Variants in PTGER4 observed in about 807,000 individuals in gnomAD.
The protein encoded by PTGER4 is prostaglandin E2 receptor EP4 subtype.
A neutral mutation model predicts 33.2 loss-of-function variants in PTGER4; 11 were observed. That is an observed-to-expected ratio of 0.33 (90% CI 0.21 to 0.55). The LOEUF is 0.55. Among genes scored for constraint, PTGER4 ranks in the 20% least tolerant of loss-of-function variants. The probability of loss-of-function intolerance (pLI) is 0.92; values close to 1 mark genes in which losing one functional copy is unlikely to be tolerated. For synonymous variants in PTGER4, 275 were observed against 281.5 expected (o/e 0.98, Z 0.23); for missense variants, 481 against 650.2 (o/e 0.74, Z 2.83).
chr5:40,738,119 T>A, the PTGER4 span, among the ~76,000 whole-genome samples: 3 of 152,104 alleles, frequency 2.0e-5, no homozygotes, highest in East Asian at 5.8e-4. Flanking sequence ...TATTTAACTT[T>A]ATGTGAAACA....
downstream of PTGER4, among the ~76,000 whole-genome samples, chr5:40,698,092 CAAAAAAAAAA>C (rs1156254550): frequency 2.0e-4 from 8 of 40,050 alleles, no homozygotes; most frequent in African/African-American, 4.3e-4. Flanking sequence ...CCTGTCTCTA[CAAAAAAAAAA>C]AAAAAAAAAA....
chr5:40,696,469 A>T (rs375559153), downstream of PTGER4, among the ~76,000 whole-genome samples: 7 of 152,342 alleles, frequency 4.6e-5, no homozygotes, highest in African/African-American at 1.7e-4. Flanking sequence ...CAAGACGCTT[A>T]CAACAAGAGA....
Position 40,693,011 on chromosome 5 carries a change from A to G in PTGER4, c.*633A>G. On this transcript the variant is annotated 3_prime_UTR_variant, in exon 3 of 3. Transcript: ENST00000302472. ...AATTCATAGTAAGATTGATATCTAT[A>G]AAATAGATATAAATTTTTAAGAGAA... 1 of 897,314 alleles carries G rather than the reference A, an allele frequency of 1.1e-6. No individual in the cohort carries two copies. The highest frequency in any genetic ancestry group is 1.3e-6 in the Non-Finnish European group (1 of 749,588). The allele number at this position is 897,314 out of a possible 1,614,324, so 55.6% of individuals were successfully genotyped here. A position where few individuals can be genotyped will look rare whatever the true frequency, so the allele number is the denominator to read the frequency against.
rs1579640038 is a variant in PTGER4, at chr5:40,680,816, T to C, written c.-43-135T>C. 5 of 791,898 alleles carry C rather than the reference T, an allele frequency of 6.3e-6. No homozygotes were observed. The highest frequency in any genetic ancestry group is 1.0e-5 in the Non-Finnish European group (5 of 501,750). 49.1% of individuals were successfully genotyped at this position (791,898 alleles called of 1,614,324 possible). ...GATTTTGGTGGCCGCAGTTGGTAAG[T>C]GGCTACAATCCAGAAAGTAGGATCG... On this transcript the variant is annotated intron_variant, in intron 1 of 2. Coordinates refer to ENST00000302472, the MANE Select transcript of PTGER4 (RefSeq NM_000958.3). This position sits in a 1 kb window ranked among gnomAD's most constrained non-coding sequence, Gnocchi z 5.5.
chr5:40,708,517 C>A, the PTGER4 span, among the ~76,000 whole-genome samples: 1,581 of 152,190 alleles, frequency 0.01, 21 homozygotes, highest in African/African-American at 0.033. Flanking sequence ...CAATAACAGG[C>A]TCTGAAATTG....
the PTGER4 span, among the ~76,000 whole-genome samples, chr5:40,717,362 C>G: frequency 6.6e-6 from 1 of 151,980 alleles, no homozygotes; most frequent in African/African-American, 2.4e-5. Flanking sequence ...AAGGTATCAG[C>G]TGGGAATTGG....
chr5:40,733,181 A>C, the PTGER4 span, among the ~76,000 whole-genome samples: 1 of 152,206 alleles, frequency 6.6e-6, no homozygotes, highest in Non-Finnish European at 1.5e-5. Flanking sequence ...AAACAAAAAC[A>C]TGAGAATTCT....
the PTGER4 span, among the ~76,000 whole-genome samples, chr5:40,713,297 G>T: frequency 6.6e-6 from 1 of 152,104 alleles, no homozygotes; most frequent in Non-Finnish European, 1.5e-5. Context: ...TTTTCTTAGT[G>T]CTGGGAAAGG....
Position 40,681,140 on chromosome 5 carries a change from G to A in PTGER4, c.147G>A (p.Gln49=), listed in dbSNP as rs747369863. The A allele has an allele frequency of 3.1e-6, 5 of 1,614,186 alleles. No individual in the cohort carries two copies. Among genetic ancestry groups the A allele is most frequent in the Non-Finnish European group, 4.2e-6 (5 of 1,180,046 alleles). Residue 49 remains glutamine (Q), a synonymous_variant, in exon 2 of 3, where the codon CAG becomes CAA. Coordinates refer to ENST00000302472, the MANE Select transcript of PTGER4 (RefSeq NM_000958.3). This position sits in a 1 kb window ranked among gnomAD's most constrained non-coding sequence, Gnocchi z 9.8. ...TGCTGTGCAAGTCGCGCAAGGAGCA[G>A]AAGGAGACGACCTTCTACACGCTGG... is the stretch of plus-strand genomic sequence containing the variant. ...IVVLCKSRKE[Q]KETTFYTLVC... is the part of the protein sequence containing the mutation.
At chr5:40,734,909 T>C in the PTGER4 span, among the ~76,000 whole-genome samples, 1 of 152,142 alleles carries the variant, frequency 6.6e-6, no homozygotes, top group Non-Finnish European at 1.5e-5. Flanking sequence ...AGGAATGTGA[T>C]AGGGAGTGAC....
At chr5:40,696,831 C>A (rs762742923), downstream of PTGER4, 1 of 585,998 alleles carries the variant, frequency 1.7e-6, no homozygotes, top group Non-Finnish European at 2.1e-6. Flanking sequence ...AAAAAGAATT[C>A]CAAGAACAAT....
the PTGER4 span, among the ~76,000 whole-genome samples, chr5:40,714,109 T>G: frequency 6.6e-6 from 1 of 152,224 alleles, no homozygotes; most frequent in East Asian, 1.9e-4. Context: ...CAGGGCCTAG[T>G]GGCCACATGC....
At chr5:40,728,340 C>T in the PTGER4 span, 1 of 1,519,750 alleles carries the variant, frequency 6.6e-7, no homozygotes, top group Non-Finnish European at 8.8e-7. Flanking sequence ...ATCTGACTTC[C>T]TCACCAGGAT....
chr5:40,746,465 C>G, the PTGER4 span, among the ~76,000 whole-genome samples: 1 of 152,064 alleles, frequency 6.6e-6, no homozygotes, highest in African/African-American at 2.4e-5. Flanking sequence ...CAGAAAGTTT[C>G]CAGTGATAAG....
chr5:40,718,599 G>A, the PTGER4 span, among the ~76,000 whole-genome samples: 1 of 151,912 alleles, frequency 6.6e-6, no homozygotes, highest in Non-Finnish European at 1.5e-5. Flanking sequence ...AATTAGCTGG[G>A]CATGGTGGCA....
chr5:40,729,612 T>C, the PTGER4 span, among the ~76,000 whole-genome samples: 21 of 152,182 alleles, frequency 1.4e-4, no homozygotes, highest in Non-Finnish European at 2.6e-4. Flanking sequence ...AACTGAACTA[T>C]TTTGCTAAGT....
chr5:40,681,569 C>T lies in PTGER4; in HGVS notation c.576C>T (p.Ser192=). 2 of 1,611,138 alleles carry T rather than the reference C, an allele frequency of 1.2e-6. No homozygotes were observed. The highest frequency in any genetic ancestry group is 1.7e-6 in the Non-Finnish European group (2 of 1,180,032). ...ACTCCTACATGTACGCGGGCTTCAG[C>T]TCCTTCCTCATTCTCGCCACCGTCC... ...AAYSYMYAGF[S]SFLILATVLC... Residue 192 remains serine (S), a synonymous_variant, in exon 2 of 3, where the codon AGC becomes AGT. Coordinates refer to ENST00000302472, the MANE Select transcript of PTGER4 (RefSeq NM_000958.3). This position sits in a 1 kb window ranked among gnomAD's most constrained non-coding sequence, Gnocchi z 9.8.
chr5:40,737,869 C>G, the PTGER4 span, among the ~76,000 whole-genome samples: 1 of 152,178 alleles, frequency 6.6e-6, no homozygotes, highest in Non-Finnish European at 1.5e-5. Flanking sequence ...TTTCCCTTAG[C>G]ATGTTTCTGA....
downstream of PTGER4, among the ~76,000 whole-genome samples, chr5:40,697,226 A>AAAAGAAAGAGAAAG (rs71606587): frequency 0.014 from 1,569 of 112,620 alleles, 37 homozygotes; most frequent in Middle Eastern, 0.017. Context: ...AAGAAAGAAG[A>AAAAGAAAGAGAAAG]AAAGAAAGAA....
Sources: allele counts gnomAD v4.1 joint callset (sites outside exome capture counted in the v4.1 genomes callset), GRCh38; gene constraint gnomAD v4.1.1; non-coding constraint Gnocchi (gnomAD v3.1); transcripts MANE v1.5; gene names NCBI Gene and HGNC (gene_info 2026-07-23, HGNC 2026-07-21).